ARPC1B: variants seen among roughly 807,000 people sequenced by gnomAD.
ARPC1B encodes the protein actin-related protein 2/3 complex subunit 1B.
Under a neutral mutation model 46.0 loss-of-function variants are expected in ARPC1B, and 29 were observed. The ratio of observed to expected loss-of-function variants is 0.63; its 90% CI spans 0.47 to 0.86. The LOEUF (loss-of-function observed/expected upper bound fraction) is 0.86, where lower values mean the gene tolerates loss of function less well. ARPC1B is among the 40% of genes least tolerant of loss of function. The pLI is 0.00. For missense variants in ARPC1B, 469 were observed against 529.4 expected (o/e 0.89, Z 1.12); for synonymous variants, 201 against 213.9 (o/e 0.94, Z 0.53).
intron 9 of ARPC1B, 108 bp downstream of exon 9, chr7:99,394,227 A>G (rs1158459836): frequency 1.6e-6 from 2 of 1,288,876 alleles, no homozygotes; most frequent in East Asian, 2.5e-5. Flanking sequence ...CAGAGATGGC[A>G]CTGCATGGGG....
Position 99,385,465 on chromosome 7 carries a change from T to C in ARPC1B, c.-13-237T>C, listed in dbSNP as rs573584567. On this transcript the variant is annotated intron_variant, in intron 1 of 9. Coordinates refer to ENST00000646101, the MANE Select transcript of ARPC1B (RefSeq NM_005720.4). ...TGTCCCTGGAGCCTCAGAGACATCC[T>C]GTGAAAGCTGCCCTTTTATAAGGAG... Among the ~76,000 whole-genome samples the C allele has an allele frequency of 1.4e-4, 21 of 152,262 alleles. No homozygotes were observed. In the South Asian group the frequency reaches 4.3e-3, roughly 32 times the overall value.
intron 4 of ARPC1B, 149 bp downstream of exon 4, chr7:99,388,410 G>GCC: frequency 3.9e-6 from 3 of 762,900 alleles, no homozygotes; most frequent in Non-Finnish European, 6.4e-6. Flanking sequence ...CATTCATGAG[G>GCC]CAAGGGCCTC....
At chr7:99,386,034 T>A (rs1038913239) in intron 2 of ARPC1B, among the ~76,000 whole-genome samples, 4 of 152,088 alleles carry the variant, frequency 2.6e-5, no homozygotes, top group Admixed American at 2.0e-4. Context: ...GTGGATCACT[T>A]GAGGTCAGGA....
rs1460326463 is a variant in ARPC1B, at chr7:99,390,031, G to A, written c.500+19G>A. 10 of 1,604,794 alleles carry A rather than the reference G, an allele frequency of 6.2e-6. No individual in the cohort carries two copies. Among genetic ancestry groups the A allele is most frequent in the South Asian group, 2.2e-5 (2 of 90,910 alleles). On this transcript the variant is annotated intron_variant, in intron 5 of 9. Transcript: ENST00000646101. ...AGTGTCGGTGAGACAGGGCGCCATG[G>A]GGGAGGGCGGGGCTGACGTCAACTG...
intron 5 of ARPC1B, 92 bp downstream of exon 5, chr7:99,390,104 A>G: frequency 8.5e-7 from 1 of 1,173,334 alleles, no homozygotes; most frequent in Non-Finnish European, 1.2e-6. Context: ...TCTACACCCC[A>G]GCTTCTAGAC....
rs559957157 is a variant in ARPC1B at position 99,392,706 on chromosome 7, C to T, written c.819C>T (p.Asp273=). Residue 273 remains aspartate, a synonymous_variant, in exon 8 of 10, where the codon GAC becomes GAT. Transcript: ENST00000646101. ...HDCFPVLFTY[D]AAAGMLSFGG... is the part of the protein sequence containing the mutation. The stretch of plus-strand genomic sequence containing the variant: ...GCTTCCCGGTGCTGTTCACCTATGA[C>T]GCCGCCGCGGGGATGCTGAGCTTCG... The T allele has an allele frequency of 1.7e-5, 27 of 1,545,884 alleles. No homozygotes were observed. Among genetic ancestry groups the T allele is most frequent in the African/African-American group, 1.5e-4 (11 of 73,046 alleles).
Position 99,380,480 on chromosome 7 carries a change from T to A in ARPC1B, c.-13-5222T>A, listed in dbSNP as rs1183229916. On this transcript the variant is annotated intron_variant, in intron 1 of 9. Transcript: ENST00000646101. ...AGGAAGTATTTCTGCTAATTCATGC[T>A]GAAGTGTGATTGGCTGATAGGTGTG... Among the ~76,000 whole-genome samples the A allele has an allele frequency of 3.9e-5, 6 of 152,356 alleles. 1 individual carries two copies. The East Asian group carries it at 7.7e-4, about 20-fold the overall frequency.
chr7:99,389,615 T>G, intron 4 of ARPC1B: 1 of 350,956 alleles, frequency 2.8e-6, no homozygotes, highest in East Asian at 6.3e-5. Flanking sequence ...CATGGCCAGT[T>G]AGTAGTTGTG....
chr7:99,391,269 G>GGGAGGGA lies in ARPC1B; in HGVS notation c.783+19_783+25dup. 1 of 1,612,234 alleles carries GGGAGGGA rather than the reference G, an allele frequency of 6.2e-7. No individual in the cohort carries two copies. Among genetic ancestry groups the GGGAGGGA allele is most frequent in the South Asian group, 1.1e-5 (1 of 90,846 alleles). On this transcript the variant is annotated intron_variant, in intron 7 of 9. Coordinates refer to ENST00000646101, the MANE Select transcript of ARPC1B (RefSeq NM_005720.4). Reference sequence around the variant, plus strand: ...GGTGGCAGCGGTGAGGAATAGGGAGGGGAGGGAGGGTGTGTGGTCACAGCA... The same window carrying GGGAGGGA: ...GGTGGCAGCGGTGAGGAATAGGGAGGGGAGGGAGGAGGGAGGGTGTGTGGTCACAGCA...
Position 99,391,301 on chromosome 7 carries a change from CGA to C in ARPC1B, c.783+54_783+55del, listed in dbSNP as rs754364259. The stretch of plus-strand genomic sequence containing the variant: ...AGGGTGTGTGGTCACAGCAGGCCTC[CGA>C]GAGAGCCCAGCAACTCTCATCTCCT... On this transcript the variant is annotated intron_variant, in intron 7 of 9. Transcript: ENST00000646101. The C allele has an allele frequency of 2.8e-5, 44 of 1,573,486 alleles. 1 individual carries two copies. The South Asian group carries it at 4.8e-4, about 17-fold the overall frequency.
Position 99,385,708 on chromosome 7 carries a change from A to G in ARPC1B, c.-7A>G. ...CTTCCTCTCTCGGGCACAGGAGCCA[A>G]GCCGCCATGGCCTACCACAGCTTCC... On this transcript the variant is annotated 5_prime_UTR_variant, in exon 2 of 10. Transcript: ENST00000646101. 1 of 1,608,402 alleles carries G rather than the reference A, an allele frequency of 6.2e-7. No individual in the cohort carries two copies. Among genetic ancestry groups the G allele is most frequent in the Non-Finnish European group, 8.5e-7 (1 of 1,178,692 alleles).
chr7:99,391,841 CAG>C (rs2150897134), intron 7 of ARPC1B, among the ~76,000 whole-genome samples: 1 of 151,414 alleles, frequency 6.6e-6, no homozygotes, highest in East Asian at 1.9e-4. Context: ...CACCTGAGGT[CAG>C]GGGTTCAAGA....
At position 99,391,089 on chromosome 7, in the gene ARPC1B, A is replaced by C; in HGVS notation, c.697A>C (p.Lys233Gln). The C allele has an allele frequency of 6.2e-7, 1 of 1,613,570 alleles. No individual in the cohort carries two copies. The highest frequency in any genetic ancestry group is 8.5e-7 in the Non-Finnish European group (1 of 1,179,712). The change falls in exon 6 of 10, where the codon AAG becomes CAG. Residue 233 changes from lysine to glutamine, a missense_variant. Coordinates refer to ENST00000646101, the MANE Select transcript of ARPC1B (RefSeq NM_005720.4). The part of the protein sequence containing the change: ...DSTVCLADAD[K>Q]KMAVATLASE... Reference sequence around the variant, plus strand: ...CACCGTCTGCCTGGCTGATGCCGACAAGAAGATGGCGTGAGTCGAGGCCAT... The same window carrying C: ...CACCGTCTGCCTGGCTGATGCCGACCAGAAGATGGCGTGAGTCGAGGCCAT...
At chr7:99,390,061 C>A in intron 5 of ARPC1B, 49 bp downstream of exon 5, 1 of 1,520,664 alleles carries the variant, frequency 6.6e-7, no homozygotes, top group Non-Finnish European at 9.1e-7. Context: ...CAACTGACTG[C>A]TGACATCATA....
chr7:99,392,992 G>T lies in ARPC1B; in HGVS notation c.989+116G>T, dbSNP rs1794620988. 2.7e-6 allele frequency: 3 copies of T among 1,127,016 alleles called. No homozygotes were observed. In the East Asian group the frequency reaches 8.5e-5, roughly 32 times the overall value. The allele number at this position is 1,127,016 out of a possible 1,614,324, so 69.8% of individuals were successfully genotyped here. Reference sequence around the variant, plus strand: ...TGGGGCATTGTGCTGGGACCTTGAGGACTGGGGACCCGGAGGGAGGGTAGG... The same window carrying T: ...TGGGGCATTGTGCTGGGACCTTGAGTACTGGGGACCCGGAGGGAGGGTAGG... On this transcript the variant is annotated intron_variant, in intron 8 of 9. Transcript: ENST00000646101.
chr7:99,375,895 C>G (rs1794020484), intron 1 of ARPC1B, among the ~76,000 whole-genome samples: 1 of 152,124 alleles, frequency 6.6e-6, no homozygotes, highest in East Asian at 1.9e-4. Context: ...AACCCTGTCT[C>G]TACTAAAAAT....
At chr7:99,391,149 C>T in intron 6 of ARPC1B, 29 bp from the exon 7 acceptor site, 2 of 1,613,534 alleles carry the variant, frequency 1.2e-6, no homozygotes. Context: ...AGGAGTGGGA[C>T]ACCGTGACTC....
intron 7 of ARPC1B, among the ~76,000 whole-genome samples, chr7:99,391,760 A>G (rs868359991): frequency 6.6e-6 from 1 of 151,476 alleles, no homozygotes; most frequent in Non-Finnish European, 1.5e-5. Context: ...CTCAAAAAAA[A>G]AAAAAAAAGA....
At position 99,392,842 on chromosome 7, in the gene ARPC1B, G is replaced by C; in HGVS notation, c.955G>C (p.Ala319Pro). ...CTCCGAGGGTGGCACGGCTGCGGGC[G>C]CGGGCCTAGACTCGCTGCACAAGAA... is the stretch of plus-strand genomic sequence containing the variant. ...ASSEGGTAAG[A>P]GLDSLHKNSV... Residue 319 changes from alanine (A) to proline (P), a missense_variant, in exon 8 of 10, where the codon GCG becomes CCG. Physicochemically the swap from Ala to Pro is conservative, Grantham distance 27. Coordinates refer to ENST00000646101, the MANE Select transcript of ARPC1B (RefSeq NM_005720.4). 1.3e-6 allele frequency: 2 copies of C among 1,549,828 alleles called. No individual in the cohort carries two copies. The highest frequency in any genetic ancestry group is 1.7e-6 in the Non-Finnish European group (2 of 1,146,656).
Sources: allele counts gnomAD v4.1 joint callset (sites outside exome capture counted in the v4.1 genomes callset), GRCh38; gene constraint gnomAD v4.1.1; transcripts MANE v1.5; gene names NCBI Gene and HGNC (gene_info 2026-07-23, HGNC 2026-07-21).